Variants in ABLIM1 observed in about 807,000 individuals in gnomAD.
ABLIM1 encodes actin-binding LIM protein 1.
Under a neutral mutation model 107.0 loss-of-function variants are expected in ABLIM1, and 40 were observed. The observed-to-expected ratio is 0.37, with a 90% confidence interval of 0.29 to 0.49. The LOEUF is 0.49. Among genes scored for constraint, ABLIM1 ranks in the 20% least tolerant of loss-of-function variants. The pLI, the probability that ABLIM1 is intolerant of heterozygous loss-of-function variation, is 0.97. For missense variants in ABLIM1, 857 were observed against 1,008.5 expected (o/e 0.85, Z 2.04); for synonymous variants, 357 against 357.3 (o/e 1.00, Z 0.01).
the ABLIM1 span, among the ~76,000 whole-genome samples, chr10:114,782,894 C>G: frequency 6.6e-6 from 1 of 152,044 alleles, no homozygotes; most frequent in African/African-American, 2.4e-5. Flanking sequence ...TAGGGAAGAA[C>G]CATGGATGAT....
chr10:114,772,771 T>G (rs547219898), upstream of ABLIM1, among the ~76,000 whole-genome samples: 18 of 152,312 alleles, frequency 1.2e-4, no homozygotes, highest in South Asian at 3.1e-3. Flanking sequence ...GTTTGGGTAT[T>G]ATAATTCCCA....
intron 4 of ABLIM1, among the ~76,000 whole-genome samples, chr10:114,567,379 T>C (rs2070912406): frequency 6.6e-6 from 1 of 152,200 alleles, no homozygotes; most frequent in South Asian, 2.1e-4. Context: ...GAAAAGGGGA[T>C]AGTATTAGTG....
chr10:114,544,843 G>C (rs568774816), intron 6 of ABLIM1, among the ~76,000 whole-genome samples, 162 bp downstream of exon 6: 6 of 151,878 alleles, frequency 4.0e-5, no homozygotes, highest in Non-Finnish European at 7.4e-5. Context: ...CCTTTGAGGA[G>C]AGTGCAGCAC....
At chr10:114,520,664 A>G (rs6585285) in intron 6 of ABLIM1, among the ~76,000 whole-genome samples, 56,593 of 151,798 alleles carry the variant, frequency 0.37, 11,503 homozygotes, top group South Asian at 0.47. Context: ...AAAAAGAAAA[A>G]AAAGAAAGAA....
intron 1 of ABLIM1, among the ~76,000 whole-genome samples, chr10:114,617,601 G>A (rs983386089): frequency 6.6e-6 from 1 of 152,124 alleles, no homozygotes; most frequent in Non-Finnish European, 1.5e-5. Flanking sequence ...TGTTTTATCT[G>A]CAAGGGACCT....
In ABLIM1 at chr10:114,556,527, G is replaced by A. The variant is rs1275572372; in HGVS notation, c.674-8751C>T. Among the ~76,000 whole-genome samples the A allele has an allele frequency of 2.0e-5, 3 of 152,294 alleles. No homozygotes were observed. The East Asian group carries it at 5.8e-4, about 29-fold the overall frequency. On this transcript the variant is annotated intron_variant, in intron 4 of 22. Transcript: ENST00000533213. ...ACTAGCCTGGCCTTCCTAGGACCATGAGTTTGCAACACATGGATTAAAAAA... is the reference window on the plus strand; with the variant it reads ...ACTAGCCTGGCCTTCCTAGGACCATAAGTTTGCAACACATGGATTAAAAAA...
Position 114,713,122 on chromosome 10 carries a change from C to T in ABLIM1, c.-213+54939G>A, listed in dbSNP as rs188359598. Among the ~76,000 whole-genome samples, 21 of 152,208 alleles carry T rather than the reference C, an allele frequency of 1.4e-4. No homozygotes were observed. The East Asian group carries it at 2.7e-3, about 20-fold the overall frequency. ...CATAGCTGGGCAGAATATGTTGATA[C>T]GTGGTTCATGATTTAACAAGGAAGA... On this transcript the variant is annotated intron_variant, in intron 1 of 15. Coordinates refer to the ABLIM1 transcript ENST00000651092.
chr10:114,673,203 A>T (rs1218785786), intron 1 of ABLIM1, among the ~76,000 whole-genome samples: 1 of 150,248 alleles, frequency 6.7e-6, no homozygotes, highest in Non-Finnish European at 1.5e-5. Flanking sequence ...GGTTGCAGTG[A>T]GCCGAGATCA....
upstream of ABLIM1, among the ~76,000 whole-genome samples, chr10:114,769,574 G>GAAAGA: frequency 6.8e-6 from 1 of 146,888 alleles, no homozygotes; most frequent in South Asian, 2.2e-4. Context: ...AAGAAAGAAA[G>GAAAGA]AAAGAAAAGA....
At chr10:114,618,119 T>C (rs940221426) in intron 1 of ABLIM1, among the ~76,000 whole-genome samples, 2 of 152,208 alleles carry the variant, frequency 1.3e-5, no homozygotes, top group Non-Finnish European at 2.9e-5. Context: ...TGACATCCTG[T>C]TTCTGCAGGT....
intron 6 of ABLIM1, among the ~76,000 whole-genome samples, chr10:114,539,295 G>A (rs1488734428): frequency 6.6e-6 from 1 of 152,108 alleles, no homozygotes; most frequent in Non-Finnish European, 1.5e-5. Context: ...GAGGTGGGGG[G>A]TGCAGTGAGC....
chr10:114,522,051 C>T (rs975000466), intron 6 of ABLIM1, among the ~76,000 whole-genome samples: 15 of 152,116 alleles, frequency 9.9e-5, no homozygotes, highest in Admixed American at 9.2e-4. Context: ...GCTCAGGGAG[C>T]AGTGAAAGCC....
At chr10:114,720,667 T>C (rs1232810539) in intron 1 of ABLIM1, among the ~76,000 whole-genome samples, 1 of 152,048 alleles carries the variant, frequency 6.6e-6, no homozygotes, top group African/African-American at 2.4e-5. Context: ...GAAACCTCCT[T>C]GTTGACGATT....
intron 4 of ABLIM1, among the ~76,000 whole-genome samples, chr10:114,550,925 T>C (rs2067984698): frequency 6.6e-6 from 1 of 152,220 alleles, no homozygotes; most frequent in African/African-American, 2.4e-5. Flanking sequence ...AAAATCAACT[T>C]TCAGAGATGG....
At chr10:114,485,332 G>C (rs146190788) in intron 8 of ABLIM1, 3 of 1,613,298 alleles carry the variant, frequency 1.9e-6, no homozygotes, top group Non-Finnish European at 2.5e-6. Context: ...CGTCGAATCA[G>C]ACTTTTGGAA....
At chr10:114,494,409 G>A (rs957569401) in intron 6 of ABLIM1, among the ~76,000 whole-genome samples, 21 of 152,116 alleles carry the variant, frequency 1.4e-4, no homozygotes, top group Non-Finnish European at 2.5e-4. Context: ...GGTGGCTTAC[G>A]CCTGTAGTCA....
chr10:114,776,528 G>A, the ABLIM1 span, among the ~76,000 whole-genome samples: 14 of 152,072 alleles, frequency 9.2e-5, no homozygotes, highest in Non-Finnish European at 1.8e-4. Flanking sequence ...CAGGAGAATC[G>A]CCTGAACCCA....
Position 114,431,496 on chromosome 10 carries a change from A to ACTCG in ABLIM1, c.*4760_*4763dup, listed in dbSNP as rs1404318728. 1 of 152,212 alleles carries ACTCG rather than the reference A, an allele frequency of 6.6e-6. No individual in the cohort carries two copies. The highest frequency in any genetic ancestry group is 1.5e-5 in the Non-Finnish European group (1 of 68,036). 9.4% of individuals were successfully genotyped at this position (152,212 alleles called of 1,614,324 possible). On this transcript the variant is annotated 3_prime_UTR_variant, in exon 23 of 23. Transcript: ENST00000533213. ...GAGCTTCAATGCGGAGTCATCAGCA[A>ACTCG]CTCGCAGGAACCACACACATGATTG...
chr10:114,501,829 T>C lies in ABLIM1; in HGVS notation c.895-9951A>G, dbSNP rs531951318. Among the ~76,000 whole-genome samples the C allele has an allele frequency of 5.3e-5, 8 of 152,332 alleles. No homozygotes were observed. The South Asian group carries it at 1.0e-3, about 20-fold the overall frequency. On this transcript the variant is annotated intron_variant, in intron 6 of 22. Transcript: ENST00000533213. Reference sequence around the variant, plus strand: ...ATTTGCCACAAATTATGAATCTACATTGATACATCATTATCATCCAAGTCC... The same window carrying C: ...ATTTGCCACAAATTATGAATCTACACTGATACATCATTATCATCCAAGTCC...
Sources: allele counts gnomAD v4.1 joint callset (sites outside exome capture counted in the v4.1 genomes callset), GRCh38; gene constraint gnomAD v4.1.1; transcripts MANE v1.5; gene names NCBI Gene and HGNC (gene_info 2026-07-23, HGNC 2026-07-21).